KLF8: variants seen among roughly 807,000 people sequenced by gnomAD.
The protein encoded by KLF8 is Krueppel-like factor 8.
KLF8 carries 10 observed loss-of-function variants against 18.2 expected under a neutral mutation model. The ratio of observed to expected loss-of-function variants is 0.55; its 90% CI spans 0.34 to 0.93. The LOEUF (loss-of-function observed/expected upper bound fraction) is 0.93. Ranked by LOEUF, KLF8 falls within the 40% of genes least tolerant of loss-of-function variation. KLF8 has a pLI of 0.02. For missense variants in KLF8, 264 were observed against 277.9 expected (o/e 0.95, Z 0.36); for synonymous variants, 109 against 97.3 (o/e 1.12, Z -0.71).
chrX:56,282,907 C>G (rs965727688), intron 5 of KLF8, among the ~76,000 whole-genome samples: 10 of 111,460 alleles, frequency 9.0e-5, no homozygotes, highest in Non-Finnish European at 1.9e-4. Flanking sequence ...TTATATGATA[C>G]AACATTATGA....
the KLF8 span, among the ~76,000 whole-genome samples, chrX:56,150,260 C>G: frequency 9.0e-6 from 1 of 111,681 alleles, no homozygotes; most frequent in Admixed American, 9.6e-5. Context: ...ACCTTCACCT[C>G]AGATGAAGTT....
At chrX:56,127,876 AC>A in the KLF8 span, among the ~76,000 whole-genome samples, 1 of 111,865 alleles carries the variant, frequency 8.9e-6, no homozygotes, top group Non-Finnish European at 1.9e-5. Context: ...AAGAAAAAAA[AC>A]AGATAAGGGC....
chrX:56,091,309 C>T, the KLF8 span, among the ~76,000 whole-genome samples: 1 of 110,586 alleles, frequency 9.0e-6, no homozygotes, highest in South Asian at 3.9e-4. Context: ...GTAAGACATG[C>T]CTTTGCTTCT....
At chrX:56,250,635 C>T (rs2066695545) in intron 2 of KLF8, among the ~76,000 whole-genome samples, 1 of 111,428 alleles carries the variant, frequency 9.0e-6, no homozygotes, top group African/African-American at 3.3e-5. Flanking sequence ...TTAATCTTCA[C>T]CATAATCCTG....
chrX:56,252,348 T>G (rs1329626747), intron 2 of KLF8, among the ~76,000 whole-genome samples: 2 of 111,598 alleles, frequency 1.8e-5, no homozygotes, highest in Non-Finnish European at 3.8e-5. Context: ...ACATTCACCA[T>G]GACCACCTCC....
the KLF8 span, among the ~76,000 whole-genome samples, chrX:56,166,486 C>T: frequency 9.0e-6 from 1 of 111,603 alleles, no homozygotes; most frequent in Non-Finnish European, 1.9e-5. Context: ...GCCTCATGGG[C>T]CCCTGAAAGT....
the KLF8 span, among the ~76,000 whole-genome samples, chrX:56,060,754 G>A: frequency 8.9e-6 from 1 of 112,072 alleles, no homozygotes; most frequent in Admixed American, 9.4e-5. Context: ...GTTTGGAATA[G>A]TTTCAGAAGG....
At chrX:56,151,248 A>T in the KLF8 span, among the ~76,000 whole-genome samples, 1 of 111,415 alleles carries the variant, frequency 9.0e-6, no homozygotes, top group Admixed American at 9.6e-5. Flanking sequence ...CGAAAGGTTT[A>T]AGTAAGGTAG....
At chrX:56,117,176 C>G in the KLF8 span, among the ~76,000 whole-genome samples, 1 of 111,643 alleles carries the variant, frequency 9.0e-6, no homozygotes, top group Non-Finnish European at 1.9e-5. Context: ...CTTGTGAGAA[C>G]CAGAGACTTT....
At chrX:55,945,496 A>G in the KLF8 span, among the ~76,000 whole-genome samples, 4 of 110,326 alleles carry the variant, frequency 3.6e-5, no homozygotes, top group Admixed American at 9.7e-5. Flanking sequence ...TCTCAAAATA[A>G]TAAGAGGTAT....
At chrX:56,013,348 T>A in the KLF8 span, among the ~76,000 whole-genome samples, 1 of 112,236 alleles carries the variant, frequency 8.9e-6, no homozygotes, top group East Asian at 2.8e-4. Context: ...TGCTTTCAGT[T>A]TTACAGGCTC....
the KLF8 span, among the ~76,000 whole-genome samples, chrX:56,098,228 A>G: frequency 8.9e-6 from 1 of 112,100 alleles, no homozygotes; most frequent in East Asian, 2.8e-4. Context: ...TGCCAGATGC[A>G]TATCCCTAAT....
the KLF8 span, among the ~76,000 whole-genome samples, chrX:56,016,084 C>A: frequency 1.8e-5 from 2 of 111,609 alleles, no homozygotes; most frequent in Non-Finnish European, 3.8e-5. Flanking sequence ...ACAGTTTCAG[C>A]CCAATTTTAG....
the KLF8 span, among the ~76,000 whole-genome samples, chrX:56,185,358 G>C: frequency 8.9e-6 from 1 of 112,110 alleles, no homozygotes; most frequent in African/African-American, 3.2e-5. Flanking sequence ...AAGCCTCCAA[G>C]AAATATGGGA....
chrX:56,187,306 T>A, the KLF8 span, among the ~76,000 whole-genome samples: 1 of 111,368 alleles, frequency 9.0e-6, no homozygotes, highest in Non-Finnish European at 1.9e-5. Context: ...ACATACACCC[T>A]CCCAAGACTA....
the KLF8 span, chrX:55,962,564 G>T: frequency 2.8e-5 from 4 of 144,724 alleles, no homozygotes; most frequent in South Asian, 1.7e-4. Context: ...GATGACAGAA[G>T]GTGGATGGTG....
At chrX:56,164,061 G>T in the KLF8 span, among the ~76,000 whole-genome samples, 1 of 109,445 alleles carries the variant, frequency 9.1e-6, no homozygotes, top group Non-Finnish European at 1.9e-5. Flanking sequence ...CTTAGAACTG[G>T]CTTGGCTATT....
the KLF8 span, among the ~76,000 whole-genome samples, chrX:56,031,361 C>G: frequency 1.8e-5 from 2 of 112,075 alleles, no homozygotes; most frequent in African/African-American, 6.5e-5. Flanking sequence ...CAAGTCAAAA[C>G]CAGAACAAAA....
chrX:56,021,410 A>C, the KLF8 span, among the ~76,000 whole-genome samples: 1 of 111,516 alleles, frequency 9.0e-6, no homozygotes, highest in East Asian at 2.8e-4. Flanking sequence ...TCATACAATT[A>C]AAATAATAAA....
Sources: allele counts gnomAD v4.1 joint callset (sites outside exome capture counted in the v4.1 genomes callset), GRCh38; gene constraint gnomAD v4.1.1; transcripts MANE v1.5; gene names NCBI Gene and HGNC (gene_info 2026-07-23, HGNC 2026-07-21).